Variants in MAP2K4 observed in about 807,000 individuals in gnomAD.
The protein encoded by MAP2K4 is mitogen-activated protein kinase kinase 4.
MAP2K4 carries 4 observed loss-of-function variants against 48.5 expected under a neutral mutation model. The ratio of observed to expected loss-of-function variants is 0.08; its 90% confidence interval spans 0.04 to 0.19. The LOEUF is 0.19. MAP2K4 is among the 10% of genes least tolerant of loss of function. The pLI is 1.00. For missense variants in MAP2K4, 258 were observed against 493.3 expected (o/e 0.52, Z 4.52); for synonymous variants, 166 against 173.1 (o/e 0.96, Z 0.32).
rs1452103386 is a variant in MAP2K4, at chr17:12,084,204, C to G, written c.393+2674C>G. The stretch of plus-strand genomic sequence containing the variant: ...TAACCAGAGTTAATTACCCCAAAGA[C>G]TTAATCTAAAAATCAGTTTTGATAT... On this transcript the variant is annotated intron_variant, in intron 3 of 10. Transcript: ENST00000353533. Among the ~76,000 whole-genome samples, 7 of 152,096 alleles carry G rather than the reference C, an allele frequency of 4.6e-5. No individual in the cohort carries two copies. In the East Asian group the frequency reaches 1.2e-3, roughly 25 times the overall value.
chr17:12,141,470 G>A lies in MAP2K4; in HGVS notation c.*210G>A, dbSNP rs1243587953. 1.8e-6 allele frequency: 1 copy of A among 562,426 alleles called. No homozygotes were observed. The highest frequency in any genetic ancestry group is 3.2e-6 in the Non-Finnish European group (1 of 315,072). The allele number at this position is 562,426 out of a possible 1,614,324, so 34.8% of individuals were successfully genotyped here. ...GATCACACAGTGTTAGTGCTGGTCA[G>A]AGAGACCTCATCCTGCTCTTTTGTG... On this transcript the variant is annotated 3_prime_UTR_variant, in exon 11 of 11. Coordinates refer to ENST00000353533, the MANE Select transcript of MAP2K4 (RefSeq NM_003010.4).
chr17:12,066,893 G>C (rs1458870435), intron 2 of MAP2K4, among the ~76,000 whole-genome samples: 1 of 152,196 alleles, frequency 6.6e-6, no homozygotes, highest in African/African-American at 2.4e-5. Flanking sequence ...GCTTCACCGT[G>C]GTCTCGATCT....
intron 4 of MAP2K4, among the ~76,000 whole-genome samples, chr17:12,102,469 G>C (rs557927094): frequency 6.6e-6 from 1 of 152,088 alleles, no homozygotes; most frequent in Admixed American, 6.5e-5. Context: ...GTATCTATGA[G>C]AGACATTGAT....
intron 1 of MAP2K4, among the ~76,000 whole-genome samples, chr17:12,021,732 A>G (rs1969069408): frequency 8.3e-6 from 1 of 120,182 alleles, no homozygotes; most frequent in African/African-American, 2.9e-5. Context: ...TGCGTGCAGG[A>G]AGAAAAAAAA....
At chr17:12,069,449 C>G (rs113725517) in intron 2 of MAP2K4, among the ~76,000 whole-genome samples, 4,729 of 152,158 alleles carry the variant, frequency 0.031, 106 homozygotes, top group Non-Finnish European at 0.043. Context: ...TTGTCTTGTC[C>G]TCTTTAATGT....
chr17:12,129,396 A>C (rs1405982636), intron 9 of MAP2K4, 109 bp downstream of exon 9: 1 of 1,279,206 alleles, frequency 7.8e-7, no homozygotes, highest in Non-Finnish European at 1.1e-6. Context: ...CCTTGGTCAC[A>C]TCACCCTACT....
At chr17:12,072,387 A>G (rs1045153276) in intron 2 of MAP2K4, among the ~76,000 whole-genome samples, 1 of 152,222 alleles carries the variant, frequency 6.6e-6, no homozygotes, top group African/African-American at 2.4e-5. Context: ...TTTTCTTTCT[A>G]ATCAAATTCT....
At chr17:12,035,713 TGTA>T (rs1189131604) in intron 1 of MAP2K4, among the ~76,000 whole-genome samples, 7 of 152,186 alleles carry the variant, frequency 4.6e-5, no homozygotes, top group African/African-American at 1.4e-4. Flanking sequence ...ATACAGTAGT[TGTA>T]GGAGGGTATG....
intron 5 of MAP2K4, 95 bp downstream of exon 5, chr17:12,108,004 T>A: frequency 9.1e-7 from 1 of 1,104,148 alleles, no homozygotes; most frequent in Non-Finnish European, 1.3e-6. Flanking sequence ...TCACTCACAG[T>A]ACCTTCCTGA....
intron 1 of MAP2K4, among the ~76,000 whole-genome samples, chr17:12,053,411 AT>A (rs1217218327): frequency 1.3e-5 from 2 of 151,670 alleles, no homozygotes; most frequent in Non-Finnish European, 2.9e-5. Flanking sequence ...TCATATTCTT[AT>A]CACTTTTTTT....
At position 12,095,567 on chromosome 17, in the gene MAP2K4, T is replaced by C. The variant is rs2151561590; in HGVS notation, c.394-8T>C. On this transcript the variant is annotated splice_region_variant and splice_polypyrimidine_tract_variant and intron_variant, in intron 3 of 10. Transcript: ENST00000353533. ...GTTTTTTTGACATCTTTTGTCATTC[T>C]TTTCCAGAGAATTCGGTCAACAGTG... 6.2e-7 allele frequency: 1 copy of C among 1,613,510 alleles called. No homozygotes were observed. Among genetic ancestry groups the C allele is most frequent in the Non-Finnish European group, 8.5e-7 (1 of 1,179,738 alleles).
At chr17:12,123,178 G>GT (rs769408633) in intron 7 of MAP2K4, among the ~76,000 whole-genome samples, 1 of 152,150 alleles carries the variant, frequency 6.6e-6, no homozygotes, top group Non-Finnish European at 1.5e-5. Flanking sequence ...AAAAATTTGT[G>GT]TAAGGCCAGT....
chr17:12,062,319 G>A (rs757218023), intron 2 of MAP2K4, among the ~76,000 whole-genome samples: 1 of 151,986 alleles, frequency 6.6e-6, no homozygotes, highest in Non-Finnish European at 1.5e-5. Context: ...AGCTTTTTGG[G>A]TGTTTGTATG....
chr17:12,044,539 G>A (rs1969897241), intron 1 of MAP2K4, among the ~76,000 whole-genome samples: 1 of 152,154 alleles, frequency 6.6e-6, no homozygotes, highest in African/African-American at 2.4e-5. Flanking sequence ...TTGTTTTGAT[G>A]TAAGGAAAAA....
chr17:12,141,021 T>G, intron 10 of MAP2K4, 126 bp from the exon 11 acceptor site: 1 of 653,134 alleles, frequency 1.5e-6, no homozygotes, highest in South Asian at 1.8e-5. Context: ...GAACTTGTAG[T>G]GTTGCGGTAT....
intron 9 of MAP2K4, among the ~76,000 whole-genome samples, chr17:12,133,584 A>G (rs1261377120): frequency 2.0e-5 from 3 of 152,158 alleles, no homozygotes; most frequent in Admixed American, 1.3e-4. Context: ...CAATTTAACT[A>G]TCTATTGAAA....
intron 9 of MAP2K4, among the ~76,000 whole-genome samples, chr17:12,135,499 T>G (rs1393741783): frequency 1.3e-5 from 2 of 152,218 alleles, no homozygotes; most frequent in Admixed American, 6.5e-5. Flanking sequence ...CCCGGAGTAT[T>G]GGGATTACAG....
At chr17:12,112,233 C>A (rs1254801607) in intron 6 of MAP2K4, among the ~76,000 whole-genome samples, 1 of 152,056 alleles carries the variant, frequency 6.6e-6, no homozygotes, top group African/African-American at 2.4e-5. Context: ...GAGACCAAGG[C>A]AGCTGGATCA....
chr17:12,037,757 G>A (rs1479213198), intron 1 of MAP2K4, among the ~76,000 whole-genome samples: 1 of 151,924 alleles, frequency 6.6e-6, no homozygotes, highest in Non-Finnish European at 1.5e-5. Context: ...AAGTCCATCT[G>A]CTTGGAAAAA....
Sources: allele counts gnomAD v4.1 joint callset (sites outside exome capture counted in the v4.1 genomes callset), GRCh38; gene constraint gnomAD v4.1.1; transcripts MANE v1.5; gene names NCBI Gene and HGNC (gene_info 2026-07-23, HGNC 2026-07-21).